VRK2: variants seen among roughly 807,000 people sequenced by gnomAD.
VRK2 encodes VRK serine/threonine kinase 2.
In VRK2, 60 loss-of-function variants were observed where a neutral mutation model predicts 57.6. The ratio of observed to expected loss-of-function variants is 1.04; its 90% CI spans 0.85 to 1.29. The LOEUF (loss-of-function observed/expected upper bound fraction) is 1.29, where lower values mean the gene tolerates loss of function less well. Ranked by LOEUF, VRK2 falls within the 50% of genes most tolerant of loss-of-function variation. The pLI is 0.00. For synonymous variants in VRK2, 231 were observed against 199.2 expected, an observed-to-expected ratio of 1.16 and a Z score of -1.35; for missense variants, 705 against 588.1, an observed-to-expected ratio of 1.20 and a Z score of -2.06.
chr2:58,103,323 A>G (rs1674286348), intron 7 of VRK2, among the ~76,000 whole-genome samples: 1 of 151,316 alleles, frequency 6.6e-6, no homozygotes, highest in Non-Finnish European at 1.5e-5. Context: ...TGTTCTTTAA[A>G]AAGAAAAACT....
At chr2:58,155,252 ACT>A (rs1683629578) in intron 12 of VRK2, among the ~76,000 whole-genome samples, 1 of 152,052 alleles carries the variant, frequency 6.6e-6, no homozygotes, top group Non-Finnish European at 1.5e-5. Flanking sequence ...TGCGATGCCA[ACT>A]CTTTGCTGTT....
chr2:58,114,494 C>A (rs534429420), intron 7 of VRK2, among the ~76,000 whole-genome samples: 1 of 152,244 alleles, frequency 6.6e-6, no homozygotes, highest in South Asian at 2.1e-4. Context: ...TAAAAAGGAG[C>A]GTCTATACAG....
intron 7 of VRK2, among the ~76,000 whole-genome samples, chr2:58,103,285 A>G (rs1674276726): frequency 6.6e-6 from 1 of 151,306 alleles, no homozygotes; most frequent in Non-Finnish European, 1.5e-5. Context: ...TAAAAATTAA[A>G]ATAAAAAAAT....
At chr2:57,959,588 C>T (rs893648232) in intron 1 of VRK2, among the ~76,000 whole-genome samples, 1 of 152,110 alleles carries the variant, frequency 6.6e-6, no homozygotes, top group Non-Finnish European at 1.5e-5. Flanking sequence ...GGCATCGGAT[C>T]GATACAGCTA....
chr2:58,011,508 C>T (rs1334171374), intron 1 of VRK2, among the ~76,000 whole-genome samples: 1 of 152,140 alleles, frequency 6.6e-6, no homozygotes, highest in Non-Finnish European at 1.5e-5. Flanking sequence ...TAGTATCATT[C>T]CTCTAATGAA....
At chr2:57,995,314 C>G (rs997482742) in intron 1 of VRK2, among the ~76,000 whole-genome samples, 2 of 152,132 alleles carry the variant, frequency 1.3e-5, no homozygotes, top group African/African-American at 2.4e-5. Flanking sequence ...TTAAAAATCA[C>G]ATTGATTAAT....
intron 11 of VRK2, among the ~76,000 whole-genome samples, chr2:58,140,389 T>G (rs906721089): frequency 6.6e-6 from 1 of 151,894 alleles, no homozygotes; most frequent in Non-Finnish European, 1.5e-5. Context: ...AAAAAAAAAA[T>G]TAAGATTTCG....
At chr2:58,041,025 C>G in intron 3 of VRK2, 1 of 985,120 alleles carries the variant, frequency 1.0e-6, no homozygotes, top group South Asian at 4.7e-5. Flanking sequence ...CTCCTCTTCT[C>G]CTCCTTATCC....
Position 58,046,823 on chromosome 2 carries a change from T to G in VRK2, c.-51T>G, listed in dbSNP as rs1417755975. On this transcript the variant is annotated 5_prime_UTR_variant, in exon 1 of 13. Transcript: ENST00000340157. ...GGCTCCGCCTCGTCGCAGCGGCAGGTAGGAGGCGGTGCGCGCGGCCCGGCG... is the reference window on the plus strand; with the variant it reads ...GGCTCCGCCTCGTCGCAGCGGCAGGGAGGAGGCGGTGCGCGCGGCCCGGCG... 1.0e-6 allele frequency: 1 copy of G among 985,484 alleles called. No homozygotes were observed. The highest frequency in any genetic ancestry group is 1.2e-6 in the Non-Finnish European group (1 of 830,160). 61.0% of individuals were successfully genotyped at this position (985,484 alleles called of 1,614,324 possible).
chr2:57,977,274 T>C (rs1002345484), intron 1 of VRK2, among the ~76,000 whole-genome samples: 1 of 152,182 alleles, frequency 6.6e-6, no homozygotes, highest in Non-Finnish European at 1.5e-5. Context: ...GGCAGTTTGA[T>C]AGGAATAGTA....
intron 1 of VRK2, among the ~76,000 whole-genome samples, chr2:57,946,736 C>G (rs978163416): frequency 3.3e-5 from 5 of 152,086 alleles, no homozygotes; most frequent in African/African-American, 1.2e-4. Flanking sequence ...ATTCTGAAAT[C>G]TAACATCAAT....
At chr2:58,126,867 A>G (rs1043790757) in intron 8 of VRK2, among the ~76,000 whole-genome samples, 1 of 152,120 alleles carries the variant, frequency 6.6e-6, no homozygotes, top group Non-Finnish European at 1.5e-5. Context: ...TTACATTCTT[A>G]GTAATGTTAA....
intron 3 of VRK2, among the ~76,000 whole-genome samples, chr2:58,035,707 CTA>C (rs1674253471): frequency 6.6e-6 from 1 of 151,934 alleles, no homozygotes; most frequent in African/African-American, 2.4e-5. Context: ...TAGCCTTCTT[CTA>C]TATAATTTGG....
chr2:58,141,889 A>G (rs1681398324), intron 11 of VRK2, among the ~76,000 whole-genome samples: 2 of 152,032 alleles, frequency 1.3e-5, no homozygotes, highest in Non-Finnish European at 2.9e-5. Context: ...TCCAAAATGC[A>G]TATCAATCAC....
intron 3 of VRK2, among the ~76,000 whole-genome samples, chr2:58,038,679 T>C (rs1282745668): frequency 1.3e-5 from 2 of 152,144 alleles, no homozygotes; most frequent in Non-Finnish European, 2.9e-5. Context: ...CTCCATAATA[T>C]ATCACACTTT....
At chr2:57,946,168 T>C (rs147816787) in intron 1 of VRK2, among the ~76,000 whole-genome samples, 123 of 152,204 alleles carry the variant, frequency 8.1e-4, no homozygotes, top group African/African-American at 2.8e-3. Flanking sequence ...AAAATATTGA[T>C]TACAATATGT....
At chr2:57,945,929 T>C (rs1671249020) in intron 1 of VRK2, among the ~76,000 whole-genome samples, 1 of 152,176 alleles carries the variant, frequency 6.6e-6, no homozygotes, top group Non-Finnish European at 1.5e-5. Flanking sequence ...TTTAAAATAG[T>C]AGTTCTTAAT....
chr2:57,917,082 T>C (rs1670182284), intron 1 of VRK2, among the ~76,000 whole-genome samples: 1 of 152,162 alleles, frequency 6.6e-6, no homozygotes, highest in Non-Finnish European at 1.5e-5. Context: ...ACAGATATTA[T>C]CCCCTAAAAT....
At chr2:57,923,528 T>A (rs557871478) in intron 1 of VRK2, among the ~76,000 whole-genome samples, 25 of 152,012 alleles carry the variant, frequency 1.6e-4, no homozygotes, top group African/African-American at 5.8e-4. Context: ...TGTATGTTTT[T>A]TTTTTGAGAA....
Sources: gnomAD v4.1 joint callset for allele counts (sites outside exome capture counted in the v4.1 genomes callset) on GRCh38, gnomAD v4.1.1 for gene constraint, MANE v1.5 for transcripts, NCBI Gene and HGNC (gene_info 2026-07-23, HGNC 2026-07-21) for gene names.